SH2D3C: variants seen among roughly 807,000 people sequenced by gnomAD.
SH2D3C encodes the protein SH2 domain containing 3C.
In SH2D3C, 25 loss-of-function variants were observed where a neutral mutation model predicts 75.2. The ratio of observed to expected loss-of-function variants is 0.33; its 90% confidence interval spans 0.24 to 0.46. The LOEUF (loss-of-function observed/expected upper bound fraction) is 0.46. SH2D3C is among the 20% of genes least tolerant of loss of function. The pLI, the probability that SH2D3C is intolerant of heterozygous loss-of-function variation, is 1.00. For missense variants in SH2D3C, 933 were observed against 1,165.3 expected (o/e 0.80, Z 2.90); for synonymous variants, 450 against 473.7 (o/e 0.95, Z 0.65).
intron 2 of SH2D3C, among the ~76,000 whole-genome samples, chr9:127,773,569 G>GTT (rs1845767644): frequency 6.6e-6 from 1 of 152,130 alleles, no homozygotes; most frequent in Non-Finnish European, 1.5e-5. Context: ...CAAGTAAAGG[G>GTT]TTTAGCACAG....
intron 3 of SH2D3C, among the ~76,000 whole-genome samples, chr9:127,757,163 G>A (rs111873392): frequency 0.015 from 2,151 of 144,812 alleles, 63 homozygotes; most frequent in African/African-American, 0.048. Flanking sequence ...GGCTGGTCTT[G>A]ACCTCTTGAC....
intron 1 of SH2D3C, among the ~76,000 whole-genome samples, chr9:127,775,321 C>G (rs1845793924): frequency 6.6e-6 from 1 of 152,124 alleles, no homozygotes; most frequent in African/African-American, 2.4e-5. Flanking sequence ...TAGCAAGACC[C>G]TGTCTCTACA....
At chr9:127,761,739 T>C (rs1845532225) in intron 2 of SH2D3C, 89 bp from the exon 3 acceptor site, 2 of 1,113,090 alleles carry the variant, frequency 1.8e-6, no homozygotes, top group South Asian at 1.3e-5. Flanking sequence ...GGCCAGCACC[T>C]GGCCCTTAGG....
intron 2 of SH2D3C, chr9:127,771,419 G>A (rs1845737728): frequency 7.8e-7 from 1 of 1,276,968 alleles, no homozygotes; most frequent in South Asian, 2.1e-5. Flanking sequence ...CCACCGGCAG[G>A]GAAGGACGCT....
intron 7 of SH2D3C, among the ~76,000 whole-genome samples, chr9:127,743,673 G>A (rs1844934165): frequency 6.6e-6 from 1 of 152,176 alleles, no homozygotes; most frequent in East Asian, 1.9e-4. Flanking sequence ...TTCATGGAGT[G>A]ACATCTTTGC....
intron 7 of SH2D3C, among the ~76,000 whole-genome samples, chr9:127,744,335 T>C (rs1844958558): frequency 6.6e-6 from 1 of 152,192 alleles, no homozygotes; most frequent in South Asian, 2.1e-4. Context: ...CCTCCCAAAG[T>C]GCTGGGATTC....
At chr9:127,771,691 G>A (rs779503143) in intron 2 of SH2D3C, among the ~76,000 whole-genome samples, 1 of 152,192 alleles carries the variant, frequency 6.6e-6, no homozygotes, top group South Asian at 2.1e-4. Flanking sequence ...CCAGGCTCCT[G>A]GTGCAGTCTC....
chr9:127,760,925 C>T (rs551378667), intron 3 of SH2D3C, among the ~76,000 whole-genome samples: 32 of 152,208 alleles, frequency 2.1e-4, no homozygotes, highest in Non-Finnish European at 3.8e-4. Flanking sequence ...CTGCAACCTC[C>T]GCCTCCTGGG....
At chr9:127,746,702 C>A (rs1845041517) in intron 6 of SH2D3C, among the ~76,000 whole-genome samples, 1 of 152,196 alleles carries the variant, frequency 6.6e-6, no homozygotes, top group Admixed American at 6.5e-5. Flanking sequence ...CTGTGGGAGG[C>A]CAAGGCAGGT....
intron 3 of SH2D3C, chr9:127,755,113 C>A: frequency 8.2e-7 from 1 of 1,218,196 alleles, no homozygotes; most frequent in Non-Finnish European, 1.0e-6. Flanking sequence ...GTAGAAGCAG[C>A]AGGCGGCGGC....
intron 5 of SH2D3C, among the ~76,000 whole-genome samples, chr9:127,748,214 CATCCCAACCTCTCCT>C (rs1408734308): frequency 9.2e-5 from 14 of 152,262 alleles, no homozygotes; most frequent in African/African-American, 3.1e-4. Context: ...GTGGGCCCAC[CATCCCAACCTCTCCT>C]CACTGCTCCC....
chr9:127,770,493 C>T (rs2417055), intron 2 of SH2D3C, among the ~76,000 whole-genome samples: 75,423 of 152,036 alleles, frequency 0.5, 20,133 homozygotes, highest in East Asian at 0.91. Flanking sequence ...AGTCTGAGAT[C>T]TCATGGGCCA....
intron 2 of SH2D3C, among the ~76,000 whole-genome samples, chr9:127,770,360 G>T (rs2417054): frequency 5.9e-4 from 89 of 152,062 alleles, no homozygotes; most frequent in Non-Finnish European, 2.9e-4. Flanking sequence ...CTCAGGAACA[G>T]GGCCCCCGAA....
At position 127,774,959 on chromosome 9, in the gene SH2D3C, G is replaced by A. The variant is rs911977286; in HGVS notation, c.38-492C>T. On this transcript the variant is annotated intron_variant, in intron 1 of 11. Coordinates refer to ENST00000314830, the MANE Select transcript of SH2D3C (RefSeq NM_170600.3). This position sits in a 1 kb window ranked among gnomAD's most constrained non-coding sequence, Gnocchi z 4.3. ...ACAAACATTAGCCGGGTGTGGTGGC[G>A]CACCTGTAATCCCAGCTTCTTGGGA... 5.3e-5 allele frequency among the ~76,000 whole-genome samples: 8 copies of A among 151,750 alleles called. No homozygotes were observed. Among genetic ancestry groups the A allele is most frequent in the Non-Finnish European group, 1.2e-4 (8 of 67,896 alleles).
chr9:127,756,845 C>A (rs939758037), intron 3 of SH2D3C, among the ~76,000 whole-genome samples: 5 of 151,724 alleles, frequency 3.3e-5, no homozygotes, highest in Admixed American at 6.6e-5. Flanking sequence ...AGGGTTTCAC[C>A]GTGGTCTCGA....
At position 127,778,617 on chromosome 9, in the gene SH2D3C, C is replaced by T. The variant is rs1829083572; in HGVS notation, c.11G>A (p.Gly4Glu). The T allele has an allele frequency of 1.9e-6, 3 of 1,613,924 alleles. No homozygotes were observed. Among genetic ancestry groups the T allele is most frequent in the Non-Finnish European group, 2.5e-6 (3 of 1,179,822 alleles). ...GAACTTTTTGCTGGTCTTCTTGGTC[C>T]CCTCTGTCATCTTGGCAAATTGTGT... is the stretch of plus-strand genomic sequence containing the variant. MTE[G>E]TKKTSKKFKF... The change falls in exon 1 of 12, where the codon GGG (glycine) becomes GAG (glutamate). Residue 4 changes from glycine to glutamate, a missense_variant. Physicochemically the swap from Gly to Glu is moderately conservative, Grantham distance 98. Transcript: ENST00000314830.
At position 127,774,223 on chromosome 9, in the gene SH2D3C, G is replaced by A. The variant is rs1845777516; in HGVS notation, c.282C>T (p.Ala94=). The A allele has an allele frequency of 6.2e-7, 1 of 1,613,852 alleles. No individual in the cohort carries two copies. Among genetic ancestry groups the A allele is most frequent in the African/African-American group, 1.3e-5 (1 of 74,934 alleles). ...SIKKAQNSQA[A]RQAQEAGPKP... The stretch of plus-strand genomic sequence containing the variant: ...TGGGACCCGCCTCCTGGGCCTGCCG[G>A]GCAGCCTGTGAGTTCTGTGCTTTCT... The change falls in exon 2 of 12, where the codon GCC becomes GCT. Residue 94 remains alanine, a synonymous_variant. Coordinates refer to ENST00000314830, the MANE Select transcript of SH2D3C (RefSeq NM_170600.3). The surrounding 1 kb of genome is among the most constrained non-coding windows in gnomAD (Gnocchi z 4.3).
At chr9:127,770,361 G>A (rs943705033) in intron 2 of SH2D3C, among the ~76,000 whole-genome samples, 4 of 152,096 alleles carry the variant, frequency 2.6e-5, no homozygotes, top group Non-Finnish European at 5.9e-5. Flanking sequence ...TCAGGAACAG[G>A]GCCCCCGAAC....
In SH2D3C at chr9:127,751,029, G is replaced by C. The variant is rs1845186654; in HGVS notation, c.684+143C>G. 1 of 758,296 alleles carries C rather than the reference G, an allele frequency of 1.3e-6. No individual in the cohort carries two copies. 47.0% of individuals were successfully genotyped at this position (758,296 alleles called of 1,614,324 possible). ...GGTCACACAGTCAGTAAAGGGCAGAGCTAGACCTCATCCCAGTCCATTCTG... is the reference window on the plus strand; with the variant it reads ...GGTCACACAGTCAGTAAAGGGCAGACCTAGACCTCATCCCAGTCCATTCTG... On this transcript the variant is annotated intron_variant, in intron 4 of 11. Transcript: ENST00000314830. The surrounding 1 kb of genome is among the most constrained non-coding windows in gnomAD (Gnocchi z 4.1).
Sources: gnomAD v4.1 joint callset for allele counts (sites outside exome capture counted in the v4.1 genomes callset) on GRCh38, gnomAD v4.1.1 for gene constraint, Gnocchi (gnomAD v3.1) non-coding constraint, MANE v1.5 for transcripts, NCBI Gene and HGNC (gene_info 2026-07-23, HGNC 2026-07-21) for gene names.